The following ATG2B variants were observed in gnomAD, a reference collection of about 807,000 sequenced individuals.
ATG2B encodes the protein autophagy related 2B, also known as autophagy-related protein 2 homolog B.
In ATG2B, 121 loss-of-function variants were observed where a neutral mutation model predicts 241.3. The observed-to-expected ratio is 0.50, with a 90% CI of 0.43 to 0.58. The LOEUF is 0.58. Ranked by LOEUF, ATG2B falls within the 20% of genes least tolerant of loss-of-function variation. The pLI is 0.00. For synonymous variants in ATG2B, 858 were observed against 876.6 expected, an observed-to-expected ratio of 0.98 and a Z score of 0.37; for missense variants, 2,306 against 2,491.6, an observed-to-expected ratio of 0.93 and a Z score of 1.59.
Position 96,363,239 on chromosome 14 carries a change from A to G in ATG2B, c.-263T>C. On this transcript the variant is annotated 5_prime_UTR_variant, in exon 1 of 42. Coordinates refer to ENST00000359933, the MANE Select transcript of ATG2B (RefSeq NM_018036.7). ...GGAGGGTCCCAACCGGCTCGGAGAG[A>G]GTGCAAGAGAGCGCGAGAGGAGGCG... 2.4e-6 allele frequency: 1 copy of G among 413,628 alleles called. No individual in the cohort carries two copies. The highest frequency in any genetic ancestry group is 4.4e-6 in the Non-Finnish European group (1 of 229,022). 25.6% of individuals were successfully genotyped at this position (413,628 alleles called of 1,614,324 possible).
At chr14:96,330,814 T>C (rs1423092794) in intron 11 of ATG2B, among the ~76,000 whole-genome samples, 3 of 152,094 alleles carry the variant, frequency 2.0e-5, no homozygotes, top group Non-Finnish European at 4.4e-5. Flanking sequence ...ACAAATTCAA[T>C]TATCTCCTCA....
chr14:96,362,737 C>A, intron 1 of ATG2B, 78 bp downstream of exon 1: 1 of 1,433,680 alleles, frequency 7.0e-7, no homozygotes, highest in South Asian at 1.3e-5. Flanking sequence ...TGACTGTCAC[C>A]AATCTTGGAT....
At chr14:96,350,120 T>C (rs975433065) in intron 1 of ATG2B, among the ~76,000 whole-genome samples, 1 of 152,094 alleles carries the variant, frequency 6.6e-6, no homozygotes, top group African/African-American at 2.4e-5. Context: ...TGTGCCCCTA[T>C]ACTCCAGTCT....
chr14:96,303,270 A>G lies in ATG2B; in HGVS notation c.4843-15T>C. 1 of 1,532,926 alleles carries G rather than the reference A, an allele frequency of 6.5e-7. No individual in the cohort carries two copies. Among genetic ancestry groups the G allele is most frequent in the Non-Finnish European group, 8.8e-7 (1 of 1,137,330 alleles). The allele number at this position is 1,532,926 out of a possible 1,614,324, so 95.0% of individuals were successfully genotyped here. Reference sequence around the variant, plus strand: ...TGAAACTTCACCTTAACGGGTAAGGAGGAAGAACGCGGAACAGTTCTTTAC... The same window carrying G: ...TGAAACTTCACCTTAACGGGTAAGGGGGAAGAACGCGGAACAGTTCTTTAC... On this transcript the variant is annotated splice_polypyrimidine_tract_variant and intron_variant, in intron 32 of 41. Transcript: ENST00000359933.
chr14:96,311,484 AT>A (rs1475684907), intron 27 of ATG2B, 57 bp downstream of exon 27: 9 of 1,424,168 alleles, frequency 6.3e-6, no homozygotes, highest in Middle Eastern at 2.2e-4. Context: ...GTTAAACTCA[AT>A]TTTTTTAATC....
At chr14:96,329,414 C>A in intron 12 of ATG2B, 70 bp downstream of exon 12, 1 of 1,083,938 alleles carries the variant, frequency 9.2e-7, no homozygotes, top group South Asian at 2.0e-5. Context: ...AAAATCATTG[C>A]CTCATACAAT....
In ATG2B at chr14:96,322,581, A is replaced by T; in HGVS notation, c.2695T>A (p.Ser899Thr). ...ATTACTCTACGAGAAGAAAAAGGAGATGGGGCTGGTCTTCTTAGATCACAA... is the reference window on the plus strand; with the variant it reads ...ATTACTCTACGAGAAGAAAAAGGAGTTGGGGCTGGTCTTCTTAGATCACAA... ...DVCDLRRPAP[S>T]PFSSRRVMFE... is the part of the protein sequence containing the mutation. The change falls in exon 17 of 42, where the codon TCT becomes ACT. Residue 899 changes from serine (S) to threonine (T), a missense_variant. Ser to Thr is a moderately conservative substitution (Grantham distance 58, BLOSUM62 1). Around this residue, in one of 2 missense-constraint regions of ATG2B, gnomAD observed 1,927 missense variants for 2,011.2 expected, o/e 0.96. Transcript: ENST00000359933. The T allele has an allele frequency of 6.2e-7, 1 of 1,613,126 alleles. No individual in the cohort carries two copies. The highest frequency in any genetic ancestry group is 8.5e-7 in the Non-Finnish European group (1 of 1,179,746).
intron 6 of ATG2B, among the ~76,000 whole-genome samples, chr14:96,339,273 T>TGC (rs1307161542): frequency 4.6e-5 from 1 of 21,512 alleles, no homozygotes; most frequent in Admixed American, 3.5e-4. Flanking sequence ...AATTCCACAG[T>TGC]GTGTGTGTGT....
intron 1 of ATG2B, among the ~76,000 whole-genome samples, chr14:96,360,866 G>C (rs1050590529): frequency 6.7e-6 from 1 of 148,528 alleles, no homozygotes; most frequent in African/African-American, 2.5e-5. Flanking sequence ...GCAGAAGTGG[G>C]AGGACCACTT....
intron 33 of ATG2B, 147 bp downstream of exon 33, chr14:96,302,914 T>G (rs1425116654): frequency 1.7e-6 from 1 of 586,260 alleles, no homozygotes; most frequent in Non-Finnish European, 2.7e-6. Context: ...AACATAAAAC[T>G]TTAAGCAATA....
rs10712581 is a variant in ATG2B, at chr14:96,356,170, C to CA, written c.162+6644dup. On this transcript the variant is annotated intron_variant, in intron 1 of 41. Transcript: ENST00000359933. ...TGGGTGACAGAGCAAGAATGCGGCT[C>CA]AAAAAAAAAAAAAAAAGTGCATGAG... Among the ~76,000 whole-genome samples the CA allele has an allele frequency of 2.5e-4, 33 of 130,484 alleles. 1 individual carries two copies. Among genetic ancestry groups the CA allele is most frequent in the Middle Eastern group, 3.9e-3 (1 of 254 alleles). The allele number at this position is 130,484 out of a possible 152,430, so 85.6% of individuals were successfully genotyped here.
intron 14 of ATG2B, among the ~76,000 whole-genome samples, chr14:96,327,248 T>C (rs963636870): frequency 6.6e-6 from 1 of 151,280 alleles, no homozygotes; most frequent in African/African-American, 2.4e-5. Flanking sequence ...ATAATAATAA[T>C]AATAATAATA....
In ATG2B at chr14:96,344,115, T is replaced by A. The variant is rs1042629219; in HGVS notation, c.581+539A>T. 3.9e-5 allele frequency among the ~76,000 whole-genome samples: 6 copies of A among 152,248 alleles called. No individual in the cohort carries two copies. The South Asian group carries it at 1.0e-3, about 26-fold the overall frequency. On this transcript the variant is annotated intron_variant, in intron 4 of 41. Coordinates refer to ENST00000359933, the MANE Select transcript of ATG2B (RefSeq NM_018036.7). Reference sequence around the variant, plus strand: ...ATTAACCTTGCTTTACAGCTATGTATAAGAGCTTCAAGTGGGCATATGCAA... The same window carrying A: ...ATTAACCTTGCTTTACAGCTATGTAAAAGAGCTTCAAGTGGGCATATGCAA...
chr14:96,306,743 T>G lies in ATG2B; in HGVS notation c.4477A>C (p.Ile1493Leu). The change falls in exon 30 of 42, where the codon ATT becomes CTT. Residue 1493 changes from isoleucine (I) to leucine (L), a missense_variant. Transcript: ENST00000359933. ...ATGGCTGCTTTTGGTGCAAAAAGAA[T>G]GCAAAAGTCATCATTCTCAGTGGGC... ...GVPTENDDFC[I>L]LFAPKAAMQE... 6.2e-7 allele frequency: 1 copy of G among 1,614,054 alleles called. No homozygotes were observed. The highest frequency in any genetic ancestry group is 1.7e-5 in the Admixed American group (1 of 60,012).
chr14:96,325,515 T>C (rs565626938), intron 15 of ATG2B, 134 bp downstream of exon 15: 399 of 804,848 alleles, frequency 5.0e-4, no homozygotes, highest in Non-Finnish European at 6.6e-4. Context: ...AAAGACATTG[T>C]TGCTGTTGAT....
chr14:96,332,326 G>C lies in ATG2B; in HGVS notation c.1447C>G (p.Pro483Ala). 1 of 1,613,396 alleles carries C rather than the reference G, an allele frequency of 6.2e-7. No individual in the cohort carries two copies. The highest frequency in any genetic ancestry group is 1.3e-5 in the African/African-American group (1 of 75,000). The part of the protein sequence containing the change: ...GSTFPSNLVH[P>A]TPLQKTSLPS... Reference sequence around the variant, plus strand: ...TTACATGTCTTCTGTAAAGGTGTTGGGTGAACTAGGTTGGATGGAAATGTT... The same window carrying C: ...TTACATGTCTTCTGTAAAGGTGTTGCGTGAACTAGGTTGGATGGAAATGTT... Residue 483 changes from proline to alanine, a missense_variant, in exon 10 of 42, where the codon CCA becomes GCA. By Grantham distance (27) the Pro-to-Ala change is conservative. This residue lies in a region of ATG2B where 1,927 missense variants were observed against 2,011.2 expected (regional missense o/e 0.96). Coordinates refer to ENST00000359933, the MANE Select transcript of ATG2B (RefSeq NM_018036.7).
At chr14:96,335,497 T>C (rs148879620) in intron 6 of ATG2B, among the ~76,000 whole-genome samples, 12 of 152,268 alleles carry the variant, frequency 7.9e-5, no homozygotes, top group Admixed American at 7.2e-4. Flanking sequence ...TTTATATATA[T>C]TTCCTCTAAT....
At chr14:96,349,204 GA>G (rs1431028589) in intron 1 of ATG2B, among the ~76,000 whole-genome samples, 1 of 152,174 alleles carries the variant, frequency 6.6e-6, no homozygotes, top group Non-Finnish European at 1.5e-5. Context: ...AAAGAAAGCA[GA>G]AGTCAAAGAA....
chr14:96,313,730 A>T (rs1178406234), intron 23 of ATG2B, among the ~76,000 whole-genome samples: 1 of 152,184 alleles, frequency 6.6e-6, no homozygotes, highest in Non-Finnish European at 1.5e-5. Flanking sequence ...AAATTTTTTA[A>T]AAGTATTTGC....
Sources: allele counts gnomAD v4.1 joint callset (sites outside exome capture counted in the v4.1 genomes callset), GRCh38; gene constraint gnomAD v4.1.1; regional missense constraint gnomAD v4.1.1; transcripts MANE v1.5; gene names NCBI Gene and HGNC (gene_info 2026-07-23, HGNC 2026-07-21).